Variants in CDK19 observed in about 807,000 individuals in gnomAD.
CDK19 encodes cyclin-dependent kinase 19.
Under a neutral mutation model 68.3 loss-of-function variants are expected in CDK19, and 20 were observed. That is an observed-to-expected ratio of 0.29 (90% confidence interval 0.21 to 0.43). The LOEUF is 0.43. CDK19 is among the 20% of genes least tolerant of loss of function. The pLI is 1.00. For missense variants in CDK19, 339 were observed against 623.5 expected (o/e 0.54, Z 4.86); for synonymous variants, 221 against 222.8 (o/e 0.99, Z 0.07).
chr6:110,672,286 C>T (rs1771081383), intron 2 of CDK19, among the ~76,000 whole-genome samples: 1 of 152,124 alleles, frequency 6.6e-6, no homozygotes, highest in African/African-American at 2.4e-5. Context: ...AGTAGAACTC[C>T]ACTTCCGCAT....
At chr6:110,626,727 AT>A in intron 8 of CDK19, 48 bp downstream of exon 8, 21 of 1,134,054 alleles carry the variant, frequency 1.9e-5, no homozygotes, top group South Asian at 2.9e-5. Flanking sequence ...AGTCTAAGGT[AT>A]TTTTTTATAG....
chr6:110,745,922 C>A (rs912136632), intron 2 of CDK19, among the ~76,000 whole-genome samples: 2 of 151,990 alleles, frequency 1.3e-5, no homozygotes, highest in East Asian at 3.8e-4. Context: ...GGACTCCAGC[C>A]TGGGCAACAA....
chr6:110,790,237 A>T (rs1277228504), intron 1 of CDK19, among the ~76,000 whole-genome samples: 1 of 152,164 alleles, frequency 6.6e-6, no homozygotes, highest in Non-Finnish European at 1.5e-5. Context: ...TTAAGTTTTT[A>T]ATTATATAGG....
intron 1 of CDK19, among the ~76,000 whole-genome samples, chr6:110,799,232 G>A (rs802681): frequency 0.19 from 23,202 of 125,180 alleles, 1,993 homozygotes; most frequent in East Asian, 0.36. Context: ...AGAATACAAA[G>A]AAAAACTACT....
intron 4 of CDK19, chr6:110,646,703 A>T (rs999056145): frequency 6.8e-6 from 3 of 442,606 alleles, no homozygotes; most frequent in African/African-American, 6.0e-5. Context: ...AATCTCGTTC[A>T]TCATCCCTAT....
chr6:110,788,308 T>A (rs1452657714), intron 1 of CDK19, among the ~76,000 whole-genome samples: 3 of 152,068 alleles, frequency 2.0e-5, no homozygotes, highest in South Asian at 4.2e-4. Context: ...GACTACAGGT[T>A]TGCATCACCA....
chr6:110,647,924 G>A (rs1434801618), intron 4 of CDK19, among the ~76,000 whole-genome samples: 1 of 152,086 alleles, frequency 6.6e-6, no homozygotes, highest in African/African-American at 2.4e-5. Flanking sequence ...GGCTTAACAT[G>A]AGAAAATCTA....
chr6:110,623,466 G>C, intron 8 of CDK19, 104 bp from the exon 9 acceptor site: 1 of 1,457,090 alleles, frequency 6.9e-7, no homozygotes. Flanking sequence ...ATGTGTTTAA[G>C]TCATTGTTTT....
At chr6:110,641,200 GTGT>G (rs949441894) in intron 4 of CDK19, among the ~76,000 whole-genome samples, 33 of 152,190 alleles carry the variant, frequency 2.2e-4, no homozygotes, top group African/African-American at 7.2e-4. Context: ...TATGTAAAAA[GTGT>G]TGTACTTCAG....
intron 2 of CDK19, among the ~76,000 whole-genome samples, chr6:110,695,844 T>G (rs572989881): frequency 1.3e-5 from 2 of 151,344 alleles, no homozygotes; most frequent in Admixed American, 6.6e-5. Context: ...GAGATTAAAA[T>G]AGTAATTAAA....
At chr6:110,799,143 TTAAAA>T (rs1282674942) in intron 1 of CDK19, among the ~76,000 whole-genome samples, 2 of 31,346 alleles carry the variant, frequency 6.4e-5, no homozygotes, top group Non-Finnish European at 1.0e-4. Flanking sequence ...AACCCTGTAT[TTAAAA>T]AAAAAAAAAA....
intron 2 of CDK19, among the ~76,000 whole-genome samples, chr6:110,684,684 A>G (rs375537873): frequency 1.5e-4 from 23 of 152,206 alleles, no homozygotes; most frequent in African/African-American, 4.8e-4. Flanking sequence ...ACTGACATCA[A>G]TTTCCCAAGA....
chr6:110,736,147 G>A (rs796291297), intron 2 of CDK19, among the ~76,000 whole-genome samples: 6 of 152,260 alleles, frequency 3.9e-5, no homozygotes, highest in South Asian at 2.1e-4. Flanking sequence ...TTCGAGACCA[G>A]CCTGACCAAT....
chr6:110,807,634 T>C (rs1782770826), intron 1 of CDK19, among the ~76,000 whole-genome samples: 2 of 152,130 alleles, frequency 1.3e-5, no homozygotes, highest in South Asian at 2.1e-4. Context: ...TAATTTTTTG[T>C]ATTTTTAGTA....
At chr6:110,645,660 G>C (rs1170380904) in intron 4 of CDK19, 4 of 328,552 alleles carry the variant, frequency 1.2e-5, no homozygotes, top group African/African-American at 6.5e-5. Flanking sequence ...CAGAAATCCA[G>C]GGGTGGATAA....
At chr6:110,720,534 C>T (rs772632903) in intron 2 of CDK19, among the ~76,000 whole-genome samples, 3 of 152,120 alleles carry the variant, frequency 2.0e-5, no homozygotes, top group Non-Finnish European at 4.4e-5. Flanking sequence ...TGCTGTTAAA[C>T]GACAAAAAAG....
At chr6:110,750,789 A>C (rs922705831) in intron 1 of CDK19, among the ~76,000 whole-genome samples, 2 of 152,146 alleles carry the variant, frequency 1.3e-5, no homozygotes. Context: ...AGTGCCCAGG[A>C]AAGAACTGGA....
In CDK19 at chr6:110,614,733, C is replaced by T; in HGVS notation, c.1378-67G>A. 4 of 1,542,668 alleles carry T rather than the reference C, an allele frequency of 2.6e-6. 1 individual carries two copies. In the South Asian group the frequency reaches 4.6e-5, roughly 18 times the overall value. On this transcript the variant is annotated intron_variant, in intron 12 of 12. Transcript: ENST00000368911. The stretch of plus-strand genomic sequence containing the variant: ...AGAGGATGACTCAAGATGCTCATCA[C>T]AGTAGGATAGAGATATAAGCCGTTT...
intron 2 of CDK19, among the ~76,000 whole-genome samples, chr6:110,695,242 G>T (rs2114604691): frequency 6.6e-6 from 1 of 152,268 alleles, no homozygotes; most frequent in Non-Finnish European, 1.5e-5. Flanking sequence ...TAAATAATCT[G>T]CTCCTGAATG....
Sources: gnomAD v4.1 joint callset for allele counts (sites outside exome capture counted in the v4.1 genomes callset) on GRCh38, gnomAD v4.1.1 for gene constraint, MANE v1.5 for transcripts, NCBI Gene and HGNC (gene_info 2026-07-23, HGNC 2026-07-21) for gene names.